Variants in VDR observed in about 807,000 individuals in gnomAD.
VDR encodes vitamin D receptor.
VDR carries 19 observed loss-of-function variants against 39.7 expected under a neutral mutation model. The ratio of observed to expected loss-of-function variants is 0.48; its 90% CI spans 0.33 to 0.70. VDR has a LOEUF of 0.70. Among genes scored for constraint, VDR ranks in the 30% least tolerant of loss-of-function variants. VDR has a pLI of 0.02. For missense variants in VDR, 442 were observed against 570.5 expected, an observed-to-expected ratio of 0.77 and a Z score of 2.29; for synonymous variants, 242 against 215.8, an observed-to-expected ratio of 1.12 and a Z score of -1.07.
intron 1 of VDR, among the ~76,000 whole-genome samples, chr12:47,892,996 G>A (rs1946397652): frequency 6.6e-6 from 1 of 152,194 alleles, no homozygotes; most frequent in South Asian, 2.1e-4. Context: ...GAAAGAACAT[G>A]TTTGGGACAG....
intron 9 of VDR, 24 bp from the exon 10 acceptor site, chr12:47,845,029 A>G (rs758388119): frequency 6.2e-7 from 1 of 1,607,402 alleles, no homozygotes; most frequent in East Asian, 2.2e-5. Context: ...GATAGAGAAG[A>G]AGGCACAGGA....
intron 2 of VDR, among the ~76,000 whole-genome samples, chr12:47,881,224 T>A (rs12721373): frequency 0.086 from 13,139 of 151,942 alleles, 762 homozygotes; most frequent in Non-Finnish European, 0.13. Context: ...GAGACCATTA[T>A]CCTAAGGAAA....
Position 47,878,905 on chromosome 12 carries a change from A to C in VDR, c.146+63T>G. 3.1e-6 allele frequency: 5 copies of C among 1,613,076 alleles called. No homozygotes were observed. In the South Asian group the frequency reaches 5.5e-5, roughly 18 times the overall value. ...TGTGAAAAATGCAAGGGCTCCCTTC[A>C]TGGAAACACCTTGCTTCTTCTCCCT... On this transcript the variant is annotated intron_variant, in intron 3 of 9. Transcript: ENST00000549336.
chr12:47,857,459 T>A (rs1945514090), intron 5 of VDR, 45 bp downstream of exon 5: 1 of 1,613,768 alleles, frequency 6.2e-7, no homozygotes, highest in East Asian at 2.2e-5. Flanking sequence ...GCTCCACTAG[T>A]GCTTCTCCTC....
At chr12:47,882,413 T>C (rs1946167629) in intron 2 of VDR, among the ~76,000 whole-genome samples, 1 of 151,934 alleles carries the variant, frequency 6.6e-6, no homozygotes, top group Admixed American at 6.6e-5. Context: ...AAAGAGGAGA[T>C]GGGGGCTGGA....
intron 7 of VDR, among the ~76,000 whole-genome samples, chr12:47,851,313 CAGGG>C (rs1458948383): frequency 6.6e-6 from 1 of 152,090 alleles, no homozygotes. Context: ...GCAGTGCCAG[CAGGG>C]AGGGAGATTT....
intron 1 of VDR, chr12:47,899,762 C>T (rs1946527385): frequency 2.5e-6 from 1 of 396,980 alleles, no homozygotes; most frequent in South Asian, 1.0e-4. Context: ...GACTCTGCAG[C>T]CTTGGGCAGG....
chr12:47,848,092 C>T (rs531714515), intron 7 of VDR, among the ~76,000 whole-genome samples: 3 of 152,222 alleles, frequency 2.0e-5, no homozygotes, highest in South Asian at 2.1e-4. Context: ...TTAGTAGAGA[C>T]GAGGTTTCAC....
rs7305032 is a variant in VDR, at chr12:47,856,077, G to A, written c.584-276C>T. Among the ~76,000 whole-genome samples, 91,480 of 152,108 alleles carry A rather than the reference G, an allele frequency of 0.6. 28,234 individuals are homozygous for A. Among genetic ancestry groups the A allele is most frequent in the African/African-American group, 0.72 (29,758 of 41,504 alleles). ...TGCTGTTCCTATGGATCTCAATCAA[G>A]AAAGAATTTGGGACCCATCAAGTCA... is the stretch of plus-strand genomic sequence containing the variant. On this transcript the variant is annotated intron_variant, in intron 6 of 9. Transcript: ENST00000549336.
intron 7 of VDR, among the ~76,000 whole-genome samples, chr12:47,854,748 T>C (rs899222812): frequency 1.3e-5 from 2 of 152,250 alleles, no homozygotes; most frequent in African/African-American, 4.8e-5. Flanking sequence ...TTCCACACCA[T>C]CATCCAGAAA....
At chr12:47,853,337 G>T (rs760158237) in intron 7 of VDR, among the ~76,000 whole-genome samples, 49 of 151,976 alleles carry the variant, frequency 3.2e-4, no homozygotes, top group Non-Finnish European at 5.7e-4. Context: ...CAGCTACTCG[G>T]GAGACTGAGG....
intron 1 of VDR, among the ~76,000 whole-genome samples, chr12:47,884,553 C>G (rs905935926): frequency 6.6e-6 from 1 of 152,196 alleles, no homozygotes; most frequent in African/African-American, 2.4e-5. Flanking sequence ...TGTGTCCTCA[C>G]TCACTTCACT....
At chr12:47,882,809 CGG>C in intron 1 of VDR, 35 bp from the exon 2 acceptor site, 1 of 1,516,950 alleles carries the variant, frequency 6.6e-7, no homozygotes. Context: ...TTATCTAAGG[CGG>C]AGCGCTGACC....
At chr12:47,873,418 T>C (rs1193108889) in intron 3 of VDR, among the ~76,000 whole-genome samples, 2 of 136,474 alleles carry the variant, frequency 1.5e-5, no homozygotes, top group African/African-American at 2.8e-5. Flanking sequence ...TGGAGTGCAG[T>C]GGCGCAATCT....
intron 7 of VDR, among the ~76,000 whole-genome samples, chr12:47,852,788 G>A (rs1217463045): frequency 1.3e-5 from 2 of 152,066 alleles, no homozygotes; most frequent in African/African-American, 2.4e-5. Context: ...CATTAATTTC[G>A]GCAATAACTC....
At chr12:47,890,555 G>A (rs925682639) in intron 1 of VDR, among the ~76,000 whole-genome samples, 2 of 152,038 alleles carry the variant, frequency 1.3e-5, no homozygotes, top group African/African-American at 4.8e-5. Context: ...CTGCAGAAGA[G>A]CAGAGGACTG....
At chr12:47,871,298 C>CTTTCTTTCTTTCTTTCTTTCTTTCT (rs1945859170) in intron 3 of VDR, among the ~76,000 whole-genome samples, 5 of 109,814 alleles carry the variant, frequency 4.6e-5, no homozygotes, top group African/African-American at 1.8e-4. Context: ...CTTTCTCTTT[C>CTTTCTTTCTTTCTTTCTTTCTTTCT]TTTCTTTCTT....
chr12:47,904,720 C>CTCGGCGCTTA, intron 1 of VDR: 2 of 1,347,234 alleles, frequency 1.5e-6, no homozygotes, highest in Non-Finnish European at 2.0e-6. Flanking sequence ...TCCTAAGCGC[C>CTCGGCGCTTA]GAGGATGTCG....
intron 7 of VDR, among the ~76,000 whole-genome samples, chr12:47,855,425 C>G (rs1477030838): frequency 1.3e-5 from 2 of 152,116 alleles, no homozygotes; most frequent in African/African-American, 4.8e-5. Flanking sequence ...GAGGTTGAGG[C>G]AGGAGAATCG....
Sources: gnomAD v4.1 joint callset for allele counts (sites outside exome capture counted in the v4.1 genomes callset) on GRCh38, gnomAD v4.1.1 for gene constraint, MANE v1.5 for transcripts, NCBI Gene and HGNC (gene_info 2026-07-23, HGNC 2026-07-21) for gene names.